Variants in LAMA3 observed in about 807,000 individuals in gnomAD.
LAMA3 encodes the protein laminin subunit alpha 3.
LAMA3 carries 281 observed loss-of-function variants against 402.0 expected under a neutral mutation model. That is an observed-to-expected ratio of 0.70 (90% CI 0.63 to 0.77). The LOEUF (loss-of-function observed/expected upper bound fraction) is 0.77, where lower values mean the gene tolerates loss of function less well. LAMA3 is among the 30% of genes least tolerant of loss of function. LAMA3 has a pLI of 0.00. For missense variants in LAMA3, 3,840 were observed against 4,215.5 expected, an observed-to-expected ratio of 0.91 and a Z score of 2.47; for synonymous variants, 1,431 against 1,558.4, an observed-to-expected ratio of 0.92 and a Z score of 1.93.
At chr18:23,933,742 C>T in intron 66 of LAMA3, 40 bp from the exon 67 acceptor site, 1 of 1,611,320 alleles carries the variant, frequency 6.2e-7, no homozygotes, top group South Asian at 1.1e-5. Context: ...CTCGACATGT[C>T]CAAGTTTGGC....
intron 60 of LAMA3, 48 bp from the exon 61 acceptor site, chr18:23,920,887 C>T: frequency 6.2e-7 from 1 of 1,611,650 alleles, no homozygotes; most frequent in Non-Finnish European, 8.5e-7. Context: ...TGCTCTGCCT[C>T]TTCTTCAGCC....
At chr18:23,865,504 CG>C (rs1198314261) in intron 36 of LAMA3, among the ~76,000 whole-genome samples, 7 of 152,226 alleles carry the variant, frequency 4.6e-5, no homozygotes, top group African/African-American at 1.7e-4. Context: ...ATCCTTACCA[CG>C]GGGCAAGATC....
At chr18:23,843,269 C>T (rs1451292114) in intron 29 of LAMA3, among the ~76,000 whole-genome samples, 2 of 152,164 alleles carry the variant, frequency 1.3e-5, no homozygotes, top group East Asian at 3.8e-4. Flanking sequence ...TTCCTGAACT[C>T]CAGTATGTGA....
chr18:23,884,043 C>T (rs940816811), intron 40 of LAMA3, among the ~76,000 whole-genome samples: 10 of 138,974 alleles, frequency 7.2e-5, no homozygotes, highest in African/African-American at 2.7e-4. Context: ...TTCATGGTCT[C>T]TTTGGTGTGT....
chr18:23,764,311 G>A (rs2062032718), intron 8 of LAMA3, among the ~76,000 whole-genome samples: 1 of 152,042 alleles, frequency 6.6e-6, no homozygotes, highest in African/African-American at 2.4e-5. Flanking sequence ...ATATAAAATA[G>A]GTTTGTTACA....
chr18:23,797,714 C>CAA (rs751020854), intron 12 of LAMA3, among the ~76,000 whole-genome samples: 5 of 119,992 alleles, frequency 4.2e-5, no homozygotes, highest in Admixed American at 8.7e-5. Flanking sequence ...GACTCCGTCT[C>CAA]AAAAAAAAAA....
At chr18:23,849,264 G>A (rs2063892380) in intron 32 of LAMA3, among the ~76,000 whole-genome samples, 1 of 152,160 alleles carries the variant, frequency 6.6e-6, no homozygotes, top group African/African-American at 2.4e-5. Context: ...CCAACTCCTT[G>A]ATAATACTGG....
chr18:23,781,487 A>G (rs1400622788), intron 11 of LAMA3, among the ~76,000 whole-genome samples: 1 of 152,256 alleles, frequency 6.6e-6, no homozygotes, highest in Non-Finnish European at 1.5e-5. Flanking sequence ...CATGTACATG[A>G]GAGTCTCTAG....
chr18:23,744,831 CAAAAAAAAAAA>C lies in LAMA3; in HGVS notation c.448-3096_448-3086del, dbSNP rs755527455. Among the ~76,000 whole-genome samples, 11 of 31,084 alleles carry C rather than the reference CAAAAAAAAAAA, an allele frequency of 3.5e-4. 1 individual carries two copies. The South Asian group carries it at 0.011, about 31-fold the overall frequency. The allele number at this position is 31,084 out of a possible 152,430, so 20.4% of individuals were successfully genotyped here. On this transcript the variant is annotated intron_variant, in intron 2 of 74. Transcript: ENST00000313654. ...TGGGCGACAGAGCAAGACTCTGTCTCAAAAAAAAAAAAAAAAAAAAAAAAAATCAAACGTTA... is the reference window on the plus strand; with the variant it reads ...TGGGCGACAGAGCAAGACTCTGTCTCAAAAAAAAAAAAAAATCAAACGTTA...
intron 6 of LAMA3, among the ~76,000 whole-genome samples, chr18:23,757,047 C>T (rs2061861095): frequency 6.6e-6 from 1 of 151,564 alleles, no homozygotes; most frequent in Admixed American, 6.6e-5. Context: ...GAGAACAACG[C>T]CAGGCTGGGC....
At chr18:23,747,907 A>T (rs752383005) in intron 2 of LAMA3, 36 bp from the exon 3 acceptor site, 4 of 1,160,390 alleles carry the variant, frequency 3.4e-6, no homozygotes, top group Non-Finnish European at 5.2e-6. Context: ...AATCGATGAG[A>T]TGACATTAAT....
chr18:23,755,500 C>T (rs541162796), intron 6 of LAMA3, among the ~76,000 whole-genome samples: 12 of 152,300 alleles, frequency 7.9e-5, no homozygotes, highest in Non-Finnish European at 1.5e-4. Context: ...AGGTAGAAAT[C>T]TTATAACAAT....
Position 23,914,502 on chromosome 18 carries a change from C to A in LAMA3, c.7422C>A (p.Asp2474Glu), listed in dbSNP as rs752659495. Residue 2474 changes from aspartate (D) to glutamate (E), a missense_variant, in exon 57 of 75, where the codon GAC becomes GAA. This residue lies in a region of LAMA3 where 891 missense variants were observed against 857.5 expected (regional missense o/e 1.04). Transcript: ENST00000313654. ...LGDREAELQVDQILTKSETKE... is the reference protein window; with the variant it reads ...LGDREAELQVEQILTKSETKE... ...ACCGTGAGGCTGAACTCCAAGTGGA[C>A]CAGATCTTGACCAAGAGTGAGACTA... 1.4e-5 allele frequency: 22 copies of A among 1,613,922 alleles called. No homozygotes were observed. In the East Asian group the frequency reaches 4.2e-4, roughly 31 times the overall value.
chr18:23,733,046 A>G (rs1314676410), intron 2 of LAMA3, among the ~76,000 whole-genome samples: 1 of 152,050 alleles, frequency 6.6e-6, no homozygotes, highest in East Asian at 1.9e-4. Context: ...CAAGCTGAAG[A>G]ATCCCAGCAG....
chr18:23,806,584 G>A (rs768895925), intron 12 of LAMA3, among the ~76,000 whole-genome samples: 35 of 152,108 alleles, frequency 2.3e-4, no homozygotes, highest in African/African-American at 3.4e-4. Flanking sequence ...AAGAAGACTC[G>A]TTGGAATTTA....
chr18:23,827,473 C>T lies in LAMA3; in HGVS notation c.2823+6C>T. The T allele has an allele frequency of 6.2e-7, 1 of 1,613,832 alleles. No individual in the cohort carries two copies. The highest frequency in any genetic ancestry group is 1.1e-5 in the South Asian group (1 of 91,064). On this transcript the variant is annotated splice_donor_region_variant and intron_variant, in intron 23 of 74. Coordinates refer to ENST00000313654, the MANE Select transcript of LAMA3 (RefSeq NM_198129.4). ...TGGACCTCAGCGGGAGAGAGGTGGG[C>T]CAGCCTTTTATTTATTATCAAAGTT...
intron 69 of LAMA3, among the ~76,000 whole-genome samples, chr18:23,944,185 C>T (rs1184159660): frequency 6.6e-6 from 1 of 152,196 alleles, no homozygotes; most frequent in African/African-American, 2.4e-5. Flanking sequence ...TCAAGATGGG[C>T]TTTACTGATG....
At chr18:23,938,075 C>T (rs2082365797) in intron 67 of LAMA3, among the ~76,000 whole-genome samples, 1 of 152,136 alleles carries the variant, frequency 6.6e-6, no homozygotes, top group East Asian at 1.9e-4. Context: ...GTCCTCTTGG[C>T]TCCATCCTGG....
rs1198505935 is a variant in LAMA3 at position 23,950,072 on chromosome 18, C to T, written c.9555C>T (p.Ser3185=). Residue 3185 remains serine (S), a synonymous_variant, in exon 72 of 75, where the codon AGC becomes AGT. Coordinates refer to ENST00000313654, the MANE Select transcript of LAMA3 (RefSeq NM_198129.4). ...LLGPEFKLVF[S]IRPRSLTGIL... The stretch of plus-strand genomic sequence containing the variant: ...GGCCAGAATTTAAGCTTGTTTTCAG[C>T]ATCCGCCCAAGAAGTCTCACTGGGA... The T allele has an allele frequency of 2.5e-6, 4 of 1,614,014 alleles. No individual in the cohort carries two copies. The African/African-American group carries it at 4.0e-5, about 16-fold the overall frequency.
Sources: allele counts gnomAD v4.1 joint callset (sites outside exome capture counted in the v4.1 genomes callset), GRCh38; gene constraint gnomAD v4.1.1; regional missense constraint gnomAD v4.1.1; transcripts MANE v1.5; gene names NCBI Gene and HGNC (gene_info 2026-07-23, HGNC 2026-07-21).